The following L2HGDH variants were observed in gnomAD, a reference collection of about 807,000 sequenced individuals.
L2HGDH encodes the protein L-2-hydroxyglutarate dehydrogenase, mitochondrial.
In L2HGDH, 34 loss-of-function variants were observed where a neutral mutation model predicts 51.5. The observed-to-expected ratio is 0.66, with a 90% CI of 0.50 to 0.88. L2HGDH has a LOEUF of 0.88. Among genes scored for constraint, L2HGDH ranks in the 40% least tolerant of loss-of-function variants. The probability of loss-of-function intolerance (pLI) is 0.00; values close to 1 mark genes in which losing one functional copy is unlikely to be tolerated. For missense variants in L2HGDH, 558 were observed against 571.9 expected (o/e 0.98, Z 0.25); for synonymous variants, 198 against 197.9 (o/e 1.00, Z -0.01).
intron 1 of L2HGDH, among the ~76,000 whole-genome samples, chr14:50,310,081 G>A (rs760256301): frequency 1.7e-4 from 26 of 151,904 alleles, no homozygotes; most frequent in Non-Finnish European, 2.8e-4. Flanking sequence ...ACACACACAC[G>A]AATATATGTA....
intron 9 of L2HGDH, among the ~76,000 whole-genome samples, chr14:50,251,522 G>A (rs1450404856): frequency 6.6e-6 from 1 of 151,994 alleles, no homozygotes; most frequent in African/African-American, 2.4e-5. Flanking sequence ...AGTACAAGAA[G>A]ATTATAGAAC....
intron 6 of L2HGDH, among the ~76,000 whole-genome samples, chr14:50,274,058 A>C (rs1003072677): frequency 2.6e-5 from 4 of 152,342 alleles, no homozygotes; most frequent in African/African-American, 9.6e-5. Context: ...AGCCTGGGCA[A>C]CAAGAGTGAA....
In L2HGDH at chr14:50,302,117, T is replaced by C. The variant is rs760770378; in HGVS notation, c.308A>G (p.Tyr103Cys). ...NSGVIHSGIY[Y>C]KPESLKAKLC... ...TTTGGCTTTCAGAGACTCAGGTTTA[T>C]AATAAATTCCACTATGTATGACACC... The change falls in exon 3 of 10, where the codon TAT becomes TGT. Residue 103 changes from tyrosine to cysteine, a missense_variant. Tyr to Cys is a radical substitution (Grantham distance 194). This residue lies in a region of L2HGDH where 194 missense variants were observed against 187.2 expected (regional missense o/e 1.04). Transcript: ENST00000267436. 4 of 1,613,958 alleles carry C rather than the reference T, an allele frequency of 2.5e-6. No homozygotes were observed. The Admixed American group carries it at 6.7e-5, about 27-fold the overall frequency.
At chr14:50,278,492 GC>G in intron 6 of L2HGDH, 27 bp downstream of exon 6, 1 of 1,428,982 alleles carries the variant, frequency 7.0e-7, no homozygotes, top group Non-Finnish European at 9.8e-7. Context: ...AAAGAAAGTA[GC>G]CAGCAGTTTT....
At chr14:50,256,524 A>C (rs1348563476) in intron 9 of L2HGDH, among the ~76,000 whole-genome samples, 1 of 152,050 alleles carries the variant, frequency 6.6e-6, no homozygotes, top group African/African-American at 2.4e-5. Flanking sequence ...CTTACAAAAA[A>C]AAAAAAAAAA....
intron 1 of L2HGDH, among the ~76,000 whole-genome samples, chr14:50,308,197 C>T (rs928713031): frequency 5.3e-5 from 8 of 152,160 alleles, no homozygotes; most frequent in Admixed American, 3.3e-4. Flanking sequence ...TTGAGACCAG[C>T]CATGCCAACA....
At chr14:50,293,264 A>G (rs769582152) in intron 4 of L2HGDH, 15 of 702,222 alleles carry the variant, frequency 2.1e-5, no homozygotes, top group Non-Finnish European at 2.6e-6. Context: ...TTGATAAGTG[A>G]TGCTGACACA....
At chr14:50,288,541 C>T (rs1890690257) in intron 4 of L2HGDH, among the ~76,000 whole-genome samples, 1 of 152,222 alleles carries the variant, frequency 6.6e-6, no homozygotes, top group African/African-American at 2.4e-5. Flanking sequence ...AGCGATTCTC[C>T]TGCCTCAGCT....
At chr14:50,284,222 T>A (rs540124238) in intron 4 of L2HGDH, among the ~76,000 whole-genome samples, 189 bp from the exon 5 acceptor site, 6 of 152,342 alleles carry the variant, frequency 3.9e-5, no homozygotes, top group African/African-American at 1.4e-4. Context: ...TTGATTCATA[T>A]CTGATTCTGA....
In L2HGDH at chr14:50,243,556, A is replaced by G. The variant is rs946804898; in HGVS notation, c.*3502T>C. 6 of 758,384 alleles carry G rather than the reference A, an allele frequency of 7.9e-6. No individual in the cohort carries two copies. The highest frequency in any genetic ancestry group is 9.6e-6 in the Non-Finnish European group (6 of 623,278). The allele number at this position is 758,384 out of a possible 1,614,324, so 47.0% of individuals were successfully genotyped here. A position where few individuals can be genotyped will look rare whatever the true frequency, so the allele number is the denominator to read the frequency against. On this transcript the variant is annotated 3_prime_UTR_variant, in exon 10 of 10. Coordinates refer to ENST00000267436, the MANE Select transcript of L2HGDH (RefSeq NM_024884.3). ...CATAAAACTTTATTATATCAGTATT[A>G]AACAAAAAAACCCTATTGACATACA...
chr14:50,261,587 A>T (rs1456230874), intron 9 of L2HGDH, among the ~76,000 whole-genome samples: 2 of 151,944 alleles, frequency 1.3e-5, no homozygotes, highest in Non-Finnish European at 2.9e-5. Context: ...GGCTCAAGGG[A>T]TCTTGCCACT....
chr14:50,256,136 C>T lies in L2HGDH; in HGVS notation c.1197-8883G>A, dbSNP rs79624057. Reference sequence around the variant, plus strand: ...ACACTACAGGTTGGAAAAACAGCTACGAAAAGCTGTAACAGGCATCTTCAG... The same window carrying T: ...ACACTACAGGTTGGAAAAACAGCTATGAAAAGCTGTAACAGGCATCTTCAG... On this transcript the variant is annotated intron_variant, in intron 9 of 9. Transcript: ENST00000267436. Among the ~76,000 whole-genome samples the T allele has an allele frequency of 9.6e-3, 1,453 of 152,110 alleles. 28 individuals carry two copies. The highest frequency in any genetic ancestry group is 0.033 in the African/African-American group (1,373 of 41,492).
chr14:50,255,142 C>T (rs1311866832), intron 9 of L2HGDH, among the ~76,000 whole-genome samples: 1 of 152,048 alleles, frequency 6.6e-6, no homozygotes, highest in South Asian at 2.1e-4. Flanking sequence ...CCAAATTTTT[C>T]ATTCCCTTTT....
chr14:50,291,220 A>C (rs940053137), intron 4 of L2HGDH, among the ~76,000 whole-genome samples: 1 of 151,242 alleles, frequency 6.6e-6, no homozygotes, highest in Non-Finnish European at 1.5e-5. Context: ...AAAAAAAAAA[A>C]AAAACAAACA....
chr14:50,281,645 A>G (rs1391450520), intron 5 of L2HGDH, among the ~76,000 whole-genome samples: 1 of 152,234 alleles, frequency 6.6e-6, no homozygotes, highest in East Asian at 1.9e-4. Flanking sequence ...TAGTTATAAA[A>G]TTCTGGTTTT....
chr14:50,279,749 C>A (rs571213906), intron 5 of L2HGDH, among the ~76,000 whole-genome samples: 1 of 151,842 alleles, frequency 6.6e-6, no homozygotes. Flanking sequence ...TTGCTTCGAT[C>A]CCTTTCATGG....
rs75821386 is a variant in L2HGDH, at chr14:50,294,231, C to T, written c.424G>A (p.Glu142Lys). 26 of 1,611,282 alleles carry T rather than the reference C, an allele frequency of 1.6e-5. No individual in the cohort carries two copies. The highest frequency in any genetic ancestry group is 2.1e-5 in the Non-Finnish European group (25 of 1,179,260). The change falls in exon 4 of 10, where the codon GAA becomes AAA. Residue 142 changes from glutamate to lysine, a missense_variant. Glu to Lys is a moderately conservative substitution (Grantham distance 56). Coordinates refer to ENST00000267436, the MANE Select transcript of L2HGDH (RefSeq NM_024884.3). ...KQCGKLIVAVEQEEIPRLQAL... is the reference protein window; with the variant it reads ...KQCGKLIVAVKQEEIPRLQAL... Reference sequence around the variant, plus strand: ...TGAAGTCTGGGAATTTCTTCTTGTTCAACAGCTACTATAAGCTTCAAAAAA... The same window carrying T: ...TGAAGTCTGGGAATTTCTTCTTGTTTAACAGCTACTATAAGCTTCAAAAAA...
intron 9 of L2HGDH, among the ~76,000 whole-genome samples, chr14:50,247,808 C>T (rs1286141559): frequency 6.6e-6 from 1 of 151,980 alleles, no homozygotes; most frequent in African/African-American, 2.4e-5. Context: ...AGAGTTTACC[C>T]TTCAATATCA....
chr14:50,262,352 C>T (rs1241004901), intron 9 of L2HGDH, among the ~76,000 whole-genome samples: 2 of 150,758 alleles, frequency 1.3e-5, no homozygotes, highest in Non-Finnish European at 2.9e-5. Context: ...ATCGCCTGAA[C>T]CAGGGAGTCG....
Sources: gnomAD v4.1 joint callset for allele counts (sites outside exome capture counted in the v4.1 genomes callset) on GRCh38, gnomAD v4.1.1 for gene constraint, gnomAD v4.1.1 regional missense constraint, MANE v1.5 for transcripts, NCBI Gene and HGNC (gene_info 2026-07-23, HGNC 2026-07-21) for gene names.